The following INSC variants were observed in gnomAD, a reference collection of about 807,000 sequenced individuals.
INSC encodes the protein INSC spindle orientation adaptor protein.
INSC carries 67 observed loss-of-function variants against 58.6 expected under a neutral mutation model. That is an observed-to-expected ratio of 1.14 (90% CI 0.94 to 1.40). The LOEUF is 1.40. INSC is among the 40% of genes most tolerant of loss of function. The pLI, the probability that INSC is intolerant of heterozygous loss-of-function variation, is 0.00. For synonymous variants in INSC, 262 were observed against 276.1 expected, an observed-to-expected ratio of 0.95 and a Z score of 0.51; for missense variants, 714 against 692.0, an observed-to-expected ratio of 1.03 and a Z score of -0.36.
At chr11:15,143,111 C>CGGGG (rs1342751613) in intron 1 of INSC, among the ~76,000 whole-genome samples, 5 of 152,218 alleles carry the variant, frequency 3.3e-5, no homozygotes, top group Non-Finnish European at 7.4e-5. Flanking sequence ...ATGTCAGGCA[C>CGGGG]GGGGGGTATG....
chr11:15,223,619 G>A (rs1241305610), intron 8 of INSC, among the ~76,000 whole-genome samples: 1 of 152,206 alleles, frequency 6.6e-6, no homozygotes, highest in Non-Finnish European at 1.5e-5. Flanking sequence ...AATAGCAACT[G>A]AATGAGAATG....
intron 1 of INSC, among the ~76,000 whole-genome samples, chr11:15,141,258 A>G (rs1367970607): frequency 6.6e-6 from 1 of 151,562 alleles, no homozygotes; most frequent in Non-Finnish European, 1.5e-5. Context: ...TGAGATTCCT[A>G]TTGCCTTCTA....
At chr11:15,142,915 G>A (rs4757293) in intron 1 of INSC, among the ~76,000 whole-genome samples, 70,434 of 151,706 alleles carry the variant, frequency 0.46, 17,559 homozygotes, top group Non-Finnish European at 0.56. Flanking sequence ...CGCTTTCAAC[G>A]CACAGTGCAT....
chr11:15,250,020 CCTTT>C (rs1318159342), downstream of INSC, among the ~76,000 whole-genome samples: 2 of 152,186 alleles, frequency 1.3e-5, no homozygotes, highest in Admixed American at 1.3e-4. Flanking sequence ...CTGAAATCTT[CCTTT>C]ATCTCTAGGC....
At chr11:15,187,279 T>A (rs1850004755) in intron 5 of INSC, among the ~76,000 whole-genome samples, 1 of 151,868 alleles carries the variant, frequency 6.6e-6, no homozygotes, top group African/African-American at 2.4e-5. Flanking sequence ...CTTGCTTCTA[T>A]TGGTCAAGCA....
chr11:15,112,295 G>A, upstream of INSC: 1 of 485,434 alleles, frequency 2.1e-6, no homozygotes, highest in Non-Finnish European at 3.6e-6. Context: ...GGGGGAGGAA[G>A]CTTCAACTCT....
At chr11:15,123,114 AAT>A (rs1847913221) in intron 1 of INSC, among the ~76,000 whole-genome samples, 1 of 152,022 alleles carries the variant, frequency 6.6e-6, no homozygotes, top group African/African-American at 2.4e-5. Flanking sequence ...CTCTGCTTAG[AAT>A]GCTCGTTCTT....
chr11:15,228,870 C>A, intron 9 of INSC, among the ~76,000 whole-genome samples: 1 of 152,150 alleles, frequency 6.6e-6, no homozygotes, highest in Non-Finnish European at 1.5e-5. Context: ...GTGAGGGCAG[C>A]CTTGGACCTA....
At chr11:15,260,821 T>C in the INSC span, among the ~76,000 whole-genome samples, 1 of 152,100 alleles carries the variant, frequency 6.6e-6, no homozygotes, top group Non-Finnish European at 1.5e-5. Flanking sequence ...GTGAATGAGG[T>C]AAGGGCAAGC....
chr11:15,158,443 A>T (rs12269858), intron 2 of INSC, among the ~76,000 whole-genome samples: 2 of 151,666 alleles, frequency 1.3e-5, no homozygotes, highest in African/African-American at 4.9e-5. Context: ...TGTCTCCCCT[A>T]TGTGGAAGTC....
intron 10 of INSC, among the ~76,000 whole-genome samples, chr11:15,237,547 A>C (rs1852177203): frequency 1.3e-5 from 2 of 152,192 alleles, no homozygotes; most frequent in Admixed American, 1.3e-4. Flanking sequence ...TTAATGAAGG[A>C]GCTATTTTCC....
intron 1 of INSC, among the ~76,000 whole-genome samples, chr11:15,141,327 T>C (rs1478270624): frequency 6.6e-6 from 1 of 152,210 alleles, no homozygotes; most frequent in Non-Finnish European, 1.5e-5. Context: ...GGACCTTGTC[T>C]GAGCTTTGTT....
chr11:15,127,898 G>A (rs1848035621), intron 1 of INSC, among the ~76,000 whole-genome samples: 1 of 152,182 alleles, frequency 6.6e-6, no homozygotes, highest in Non-Finnish European at 1.5e-5. Flanking sequence ...GGGAGGCTGA[G>A]GCAGGAGAAT....
chr11:15,267,077 A>C, the INSC span, among the ~76,000 whole-genome samples: 1 of 151,966 alleles, frequency 6.6e-6, no homozygotes, highest in Non-Finnish European at 1.5e-5. Flanking sequence ...GAATTCTTTC[A>C]GCTTCTGTGA....
chr11:15,254,378 G>A, the INSC span, among the ~76,000 whole-genome samples: 1 of 152,140 alleles, frequency 6.6e-6, no homozygotes. Context: ...ACAAATATAA[G>A]TAAGTGCCAG....
intron 7 of INSC, among the ~76,000 whole-genome samples, chr11:15,202,019 T>A (rs1346421972): frequency 6.6e-6 from 1 of 152,190 alleles, no homozygotes; most frequent in African/African-American, 2.4e-5. Context: ...TGGGACAGGG[T>A]CATAGAATCA....
rs141649540 is a variant in INSC at position 15,234,721 on chromosome 11, T to G, written c.1171-881T>G. Among the ~76,000 whole-genome samples the G allele has an allele frequency of 9.4e-4, 143 of 152,310 alleles. 1 individual carries two copies. The highest frequency in any genetic ancestry group is 3.4e-3 in the Middle Eastern group (1 of 294). On this transcript the variant is annotated intron_variant, in intron 9 of 12. Coordinates refer to ENST00000379556, the MANE Select transcript of INSC (RefSeq NM_001042536.3). The stretch of plus-strand genomic sequence containing the variant: ...AGTGGGTGAATTTTCATCTTGCTAT[T>G]TATGTCAGGAGCAGTGTTGTGGGTG...
At chr11:15,196,157 C>T (rs1029788994) in intron 6 of INSC, among the ~76,000 whole-genome samples, 2 of 152,202 alleles carry the variant, frequency 1.3e-5, no homozygotes, top group Non-Finnish European at 2.9e-5. Flanking sequence ...ATGGGCCACA[C>T]CCTCCAGAGC....
At chr11:15,228,271 T>TGTA (rs1851716701) in intron 9 of INSC, among the ~76,000 whole-genome samples, 1 of 152,202 alleles carries the variant, frequency 6.6e-6, no homozygotes, top group Non-Finnish European at 1.5e-5. Context: ...TGTCTCTATG[T>TGTA]GTAGAAGTCC....
Sources: gnomAD v4.1 joint callset for allele counts (sites outside exome capture counted in the v4.1 genomes callset) on GRCh38, gnomAD v4.1.1 for gene constraint, MANE v1.5 for transcripts, NCBI Gene and HGNC (gene_info 2026-07-23, HGNC 2026-07-21) for gene names.